The following PPP2R2B variants were observed in gnomAD, a reference collection of about 807,000 sequenced individuals.
The protein encoded by PPP2R2B is serine/threonine-protein phosphatase 2A 55 kDa regulatory subunit B beta isoform.
In PPP2R2B, 5 loss-of-function variants were observed where a neutral mutation model predicts 46.0. That is an observed-to-expected ratio of 0.11 (90% CI 0.06 to 0.23). PPP2R2B has a LOEUF of 0.23. Among genes scored for constraint, PPP2R2B ranks in the 10% least tolerant of loss-of-function variants. PPP2R2B has a pLI of 1.00. For missense variants in PPP2R2B, 367 were observed against 575.0 expected (o/e 0.64, Z 3.70); for synonymous variants, 215 against 206.7 (o/e 1.04, Z -0.34).
intron 5 of PPP2R2B, among the ~76,000 whole-genome samples, chr5:146,670,736 T>C (rs1777303900): frequency 1.3e-5 from 2 of 152,028 alleles, no homozygotes; most frequent in South Asian, 4.2e-4. Context: ...CTTCAAGCGA[T>C]CCGCATGCCT....
At chr5:146,861,957 T>C (rs573395065) in intron 2 of PPP2R2B, among the ~76,000 whole-genome samples, 1 of 152,120 alleles carries the variant, frequency 6.6e-6, no homozygotes, top group African/African-American at 2.4e-5. Flanking sequence ...TAATAACTCA[T>C]ATAATATGAA....
At chr5:146,701,843 G>C (rs1779558206) in intron 2 of PPP2R2B, among the ~76,000 whole-genome samples, 2 of 152,152 alleles carry the variant, frequency 1.3e-5, no homozygotes, top group Non-Finnish European at 2.9e-5. Flanking sequence ...AAAATGCACA[G>C]GCACCAGGAA....
chr5:146,668,042 C>T (rs934894414), intron 5 of PPP2R2B, among the ~76,000 whole-genome samples: 3 of 152,184 alleles, frequency 2.0e-5, no homozygotes, highest in African/African-American at 7.2e-5. Flanking sequence ...CTTTGTTCAC[C>T]TCACTTCTAT....
At chr5:146,876,609 G>T (rs1041186505) in intron 2 of PPP2R2B, among the ~76,000 whole-genome samples, 4 of 152,144 alleles carry the variant, frequency 2.6e-5, no homozygotes, top group African/African-American at 9.7e-5. Flanking sequence ...CACAGAAAAA[G>T]AATCGGTAAG....
At chr5:146,882,046 G>C (rs367623865), upstream of PPP2R2B, among the ~76,000 whole-genome samples, 113 of 152,226 alleles carry the variant, frequency 7.4e-4, no homozygotes, top group African/African-American at 2.6e-3. Context: ...GGGAGGCTGA[G>C]TCAGGCAGAT....
chr5:147,035,641 A>C (rs1161451579), intron 1 of PPP2R2B, among the ~76,000 whole-genome samples: 2 of 152,230 alleles, frequency 1.3e-5, no homozygotes, highest in Non-Finnish European at 2.9e-5. Context: ...AATTACATGC[A>C]AAGTAGAAAG....
chr5:146,591,539 C>T (rs1010656995), intron 9 of PPP2R2B, among the ~76,000 whole-genome samples: 4 of 151,984 alleles, frequency 2.6e-5, no homozygotes, highest in African/African-American at 9.7e-5. Flanking sequence ...GTGGTAAAGT[C>T]CACCCTCAAA....
intron 1 of PPP2R2B, among the ~76,000 whole-genome samples, chr5:147,055,448 C>G (rs1270566858): frequency 1.3e-5 from 2 of 152,192 alleles, no homozygotes; most frequent in Non-Finnish European, 2.9e-5. Context: ...TTGAGATTAC[C>G]TCTGCAACAT....
At chr5:147,031,258 C>T (rs1019246568) in intron 1 of PPP2R2B, among the ~76,000 whole-genome samples, 4 of 151,882 alleles carry the variant, frequency 2.6e-5, no homozygotes, top group Non-Finnish European at 4.4e-5. Flanking sequence ...CTTTATTTTG[C>T]TTTTATCTTA....
intron 2 of PPP2R2B, chr5:146,706,671 G>T (rs1779878452): frequency 2.3e-6 from 2 of 865,062 alleles, no homozygotes; most frequent in African/African-American, 1.7e-5. Flanking sequence ...CTCAGTCTCA[G>T]CCTGGAGCCA....
upstream of PPP2R2B, among the ~76,000 whole-genome samples, chr5:147,057,867 A>C (rs911088370): frequency 6.6e-6 from 1 of 152,208 alleles, no homozygotes; most frequent in Non-Finnish European, 1.5e-5. Flanking sequence ...AGGCCTAACA[A>C]GGATAATAAT....
At chr5:146,885,897 AT>A (rs1762305036) in intron 1 of PPP2R2B, among the ~76,000 whole-genome samples, 1 of 152,210 alleles carries the variant, frequency 6.6e-6, no homozygotes, top group African/African-American at 2.4e-5. Flanking sequence ...GTATGATTCC[AT>A]TTATGTGAAA....
At position 146,878,282 on chromosome 5, in the gene PPP2R2B, T is replaced by G; in HGVS notation, c.-124-87A>C. 1 of 1,461,354 alleles carries G rather than the reference T, an allele frequency of 6.8e-7. No homozygotes were observed. The highest frequency in any genetic ancestry group is 9.0e-7 in the Non-Finnish European group (1 of 1,111,612). 90.5% of individuals were successfully genotyped at this position (1,461,354 alleles called of 1,614,324 possible). ...CTCCTCCACTCGGGTTCTGCGAGGC[T>G]GCGGCGGCTCCTCCCGCGCGGTGCG... On this transcript the variant is annotated intron_variant, in intron 1 of 9. Transcript: ENST00000394411. This position sits in a 1 kb window ranked among gnomAD's most constrained non-coding sequence, Gnocchi z 4.5.
chr5:146,706,329 T>G, intron 2 of PPP2R2B: 1 of 569,230 alleles, frequency 1.8e-6, no homozygotes, highest in Non-Finnish European at 3.3e-6. Context: ...GAGCGAGAGC[T>G]GGAGCTCAGG....
chr5:146,859,441 A>G (rs985987511), intron 2 of PPP2R2B, among the ~76,000 whole-genome samples: 3 of 152,246 alleles, frequency 2.0e-5, no homozygotes, highest in African/African-American at 7.2e-5. Flanking sequence ...GTTGAAAACT[A>G]TCAGCAGTGC....
intron 1 of PPP2R2B, among the ~76,000 whole-genome samples, chr5:147,001,370 T>G (rs1285153032): frequency 6.6e-6 from 1 of 151,906 alleles, no homozygotes; most frequent in Admixed American, 6.6e-5. Flanking sequence ...AGCGAGATGA[T>G]GAACCCACCA....
chr5:147,043,053 C>T (rs749879347), intron 1 of PPP2R2B, among the ~76,000 whole-genome samples: 1 of 152,108 alleles, frequency 6.6e-6, no homozygotes, highest in African/African-American at 2.4e-5. Context: ...GAATACTATA[C>T]AGTCTGGATT....
At chr5:146,743,902 A>C (rs1753021891) in intron 2 of PPP2R2B, among the ~76,000 whole-genome samples, 1 of 152,158 alleles carries the variant, frequency 6.6e-6, no homozygotes, top group Non-Finnish European at 1.5e-5. Context: ...TAAAACTAGG[A>C]CCAATGATGT....
intron 2 of PPP2R2B, among the ~76,000 whole-genome samples, chr5:146,785,739 T>C (rs897679357): frequency 2.0e-5 from 3 of 152,178 alleles, no homozygotes; most frequent in African/African-American, 4.8e-5. Context: ...TTTTTCACAG[T>C]TGAGGAGTTA....
Sources: gnomAD v4.1 joint callset for allele counts (sites outside exome capture counted in the v4.1 genomes callset) on GRCh38, gnomAD v4.1.1 for gene constraint, Gnocchi (gnomAD v3.1) non-coding constraint, MANE v1.5 for transcripts, NCBI Gene and HGNC (gene_info 2026-07-23, HGNC 2026-07-21) for gene names.